The following DPP6 variants were observed in gnomAD, a reference collection of about 807,000 sequenced individuals.
DPP6 encodes the protein A-type potassium channel modulatory protein DPP6.
A neutral mutation model predicts 122.6 loss-of-function variants in DPP6; 69 were observed. The observed-to-expected ratio is 0.56, with a 90% confidence interval of 0.46 to 0.69. The LOEUF (loss-of-function observed/expected upper bound fraction) is 0.69, where lower values mean the gene tolerates loss of function less well. DPP6 is among the 30% of genes least tolerant of loss of function. The pLI, the probability that DPP6 is intolerant of heterozygous loss-of-function variation, is 0.00. For missense variants in DPP6, 928 were observed against 1,116.9 expected (o/e 0.83, Z 2.41); for synonymous variants, 418 against 433.1 (o/e 0.97, Z 0.43).
intron 1 of DPP6, among the ~76,000 whole-genome samples, chr7:154,196,800 G>A (rs1247910621): frequency 6.6e-6 from 1 of 152,132 alleles, no homozygotes; most frequent in Admixed American, 6.5e-5. Flanking sequence ...CCCCAGGCTG[G>A]CTTTATACAT....
intron 1 of DPP6, among the ~76,000 whole-genome samples, chr7:154,173,729 A>G (rs1797653831): frequency 1.3e-5 from 2 of 152,050 alleles, no homozygotes; most frequent in Admixed American, 1.3e-4. Flanking sequence ...CGGGATTCCT[A>G]TTATGGCCAA....
At chr7:154,184,438 A>G (rs1328642335) in intron 1 of DPP6, among the ~76,000 whole-genome samples, 3 of 151,844 alleles carry the variant, frequency 2.0e-5, no homozygotes, top group Admixed American at 2.0e-4. Context: ...GGTTGTTGGT[A>G]AGCAGCGTAA....
the DPP6 span, among the ~76,000 whole-genome samples, chr7:153,796,757 C>T: frequency 2.6e-5 from 4 of 152,106 alleles, no homozygotes; most frequent in South Asian, 8.3e-4. Context: ...ACAGTAAAAT[C>T]TCTGGTCAGC....
chr7:154,803,293 G>A (rs1416879931), intron 13 of DPP6, among the ~76,000 whole-genome samples: 5 of 152,252 alleles, frequency 3.3e-5, no homozygotes, highest in Middle Eastern at 3.4e-3. Flanking sequence ...ACCATTGGTC[G>A]TTACCATTGT....
At chr7:153,995,541 A>T (rs376734068) in intron 1 of DPP6, among the ~76,000 whole-genome samples, 1 of 148,348 alleles carries the variant, frequency 6.7e-6, no homozygotes, top group Non-Finnish European at 1.5e-5. Flanking sequence ...GTAAGCGGAG[A>T]TAGCACCACT....
At chr7:154,671,864 G>GTA (rs1838578321) in intron 7 of DPP6, among the ~76,000 whole-genome samples, 1 of 73,366 alleles carries the variant, frequency 1.4e-5, no homozygotes, top group Non-Finnish European at 3.2e-5. Context: ...ACACACACAT[G>GTA]CACACACACA....
chr7:154,459,655 A>C (rs1412943879), intron 2 of DPP6, among the ~76,000 whole-genome samples: 3 of 151,858 alleles, frequency 2.0e-5, no homozygotes, highest in Non-Finnish European at 4.4e-5. Context: ...CGTATCTGCT[A>C]AAAATACAAA....
intron 1 of DPP6, among the ~76,000 whole-genome samples, chr7:154,193,920 G>A (rs888141961): frequency 1.3e-5 from 2 of 152,014 alleles, no homozygotes; most frequent in African/African-American, 2.4e-5. Context: ...AAAAACAGAA[G>A]CAGGCCTTTT....
At chr7:153,865,028 A>C in the DPP6 span, among the ~76,000 whole-genome samples, 1 of 152,158 alleles carries the variant, frequency 6.6e-6, no homozygotes, top group Non-Finnish European at 1.5e-5. Context: ...ACTTGTCTCC[A>C]ATATTTGACA....
At chr7:154,354,700 G>A (rs375823018) in intron 1 of DPP6, among the ~76,000 whole-genome samples, 7 of 152,240 alleles carry the variant, frequency 4.6e-5, no homozygotes, top group African/African-American at 9.6e-5. Context: ...TCTGAAAGTC[G>A]CCTCACATGT....
chr7:153,888,705 CTTTTTTTTTTTTT>C (rs142238331), intron 1 of DPP6, among the ~76,000 whole-genome samples: 4 of 76,986 alleles, frequency 5.2e-5, no homozygotes, highest in Admixed American at 2.7e-4. Context: ...CTGGCTGGCA[CTTTTTTTTTTTTT>C]TTTTTTTTTT....
chr7:154,074,324 G>A (rs1292443293), intron 1 of DPP6, among the ~76,000 whole-genome samples: 2 of 151,992 alleles, frequency 1.3e-5, no homozygotes, highest in East Asian at 3.9e-4. Context: ...AAAATAGGTA[G>A]GAGCAAATAT....
At chr7:153,989,320 TTTGTG>T (rs1356867188) in intron 1 of DPP6, among the ~76,000 whole-genome samples, 1 of 145,136 alleles carries the variant, frequency 6.9e-6, no homozygotes, top group African/African-American at 2.5e-5. Flanking sequence ...GGGAGTAAGA[TTTGTG>T]TGAGTGTGAG....
chr7:154,140,227 G>A (rs1795777306), intron 1 of DPP6, among the ~76,000 whole-genome samples: 1 of 152,160 alleles, frequency 6.6e-6, no homozygotes, highest in Admixed American at 6.5e-5. Context: ...TTTATGTGAA[G>A]AAAAGGGCCA....
At chr7:153,971,610 C>CT (rs2129033445) in intron 1 of DPP6, among the ~76,000 whole-genome samples, 1 of 133,456 alleles carries the variant, frequency 7.5e-6, no homozygotes, top group Admixed American at 7.8e-5. Flanking sequence ...ATGAGAGTTC[C>CT]TGGGTTATGG....
intron 8 of DPP6, among the ~76,000 whole-genome samples, chr7:154,765,876 A>G (rs1795865555): frequency 6.6e-6 from 1 of 152,240 alleles, no homozygotes; most frequent in African/African-American, 2.4e-5. Flanking sequence ...TTGATGAAAT[A>G]GGTTTTCTTC....
intron 16 of DPP6, among the ~76,000 whole-genome samples, chr7:154,815,358 C>G (rs1051086389): frequency 9.2e-5 from 14 of 152,244 alleles, no homozygotes; most frequent in African/African-American, 3.4e-4. Flanking sequence ...ACAGCCATAA[C>G]AAGTTCTGTA....
Position 154,028,738 on chromosome 7 carries a change from G to T in DPP6, c.51+141004G>T, listed in dbSNP as rs1417265220. Among the ~76,000 whole-genome samples the T allele has an allele frequency of 5.3e-5, 8 of 152,214 alleles. No individual in the cohort carries two copies. In the East Asian group the frequency reaches 7.7e-4, roughly 15 times the overall value. ...TGGTAGGCCCCGCTCTGCCTGCTCC[G>T]ATCTTTCACTTCTGCCCACTCCATG... On this transcript the variant is annotated intron_variant, in intron 1 of 25. Transcript: ENST00000404039.
intron 1 of DPP6, chr7:154,057,641 C>G (rs1025174963): frequency 1.3e-5 from 2 of 150,770 alleles, no homozygotes; most frequent in Admixed American, 6.6e-5. Flanking sequence ...CTGTGGATCC[C>G]AAACGTTGCA....
Sources: allele counts gnomAD v4.1 joint callset (sites outside exome capture counted in the v4.1 genomes callset), GRCh38; gene constraint gnomAD v4.1.1; transcripts MANE v1.5; gene names NCBI Gene and HGNC (gene_info 2026-07-23, HGNC 2026-07-21).